Variants in UNC5B observed in about 807,000 individuals in gnomAD.
The protein encoded by UNC5B is unc-5 netrin receptor B, also known as netrin receptor UNC5B.
UNC5B carries 56 observed loss-of-function variants against 103.7 expected under a neutral mutation model. The ratio of observed to expected loss-of-function variants is 0.54; its 90% CI spans 0.44 to 0.67. The LOEUF (loss-of-function observed/expected upper bound fraction) is 0.67. Ranked by LOEUF, UNC5B falls within the 30% of genes least tolerant of loss-of-function variation. The pLI, the probability that UNC5B is intolerant of heterozygous loss-of-function variation, is 0.00. For synonymous variants in UNC5B, 577 were observed against 542.0 expected (o/e 1.06, Z -0.90); for missense variants, 1,194 against 1,284.5 (o/e 0.93, Z 1.08).
chr10:71,286,675 C>T lies in UNC5B; in HGVS notation c.553-14C>T, dbSNP rs1487345998. 13 of 1,613,732 alleles carry T rather than the reference C, an allele frequency of 8.1e-6. No homozygotes were observed. The highest frequency in any genetic ancestry group is 1.1e-5 in the Non-Finnish European group (13 of 1,179,794). On this transcript the variant is annotated splice_polypyrimidine_tract_variant and intron_variant, in intron 4 of 16. Transcript: ENST00000335350. ...TCCTGGGCCCTCACTGCCCCCTCAC[C>T]CCCACTCTTGCAGGTGGAATGGCTC...
At chr10:71,229,755 TCA>T (rs1402906174) in intron 1 of UNC5B, among the ~76,000 whole-genome samples, 3 of 152,184 alleles carry the variant, frequency 2.0e-5, no homozygotes, top group African/African-American at 7.2e-5. Flanking sequence ...CGTGTAGTTC[TCA>T]GAGCTTCTTA....
Position 71,302,457 on chromosome 10 carries a change from A to G in UNC5B, c.*3180A>G, listed in dbSNP as rs901291647. The G allele has an allele frequency of 1.3e-5, 2 of 151,394 alleles. No homozygotes were observed. Among genetic ancestry groups the G allele is most frequent in the African/African-American group, 2.5e-5 (1 of 40,798 alleles). 9.4% of individuals were successfully genotyped at this position (151,394 alleles called of 1,614,324 possible). A position where few individuals can be genotyped will look rare whatever the true frequency, so the allele number is the denominator to read the frequency against. ...CTCCCTGAGCCCACAGGGTCAGTCA[A>G]TGTATCTTCTACGTGCCTCTCCCTC... On this transcript the variant is annotated 3_prime_UTR_variant, in exon 17 of 17. Coordinates refer to ENST00000335350, the MANE Select transcript of UNC5B (RefSeq NM_170744.5).
At chr10:71,230,067 T>A (rs571833126) in intron 1 of UNC5B, among the ~76,000 whole-genome samples, 2 of 152,212 alleles carry the variant, frequency 1.3e-5, no homozygotes, top group Non-Finnish European at 2.9e-5. Context: ...TCATCTGACT[T>A]TTCACCCCTA....
chr10:71,288,833 G>C, intron 7 of UNC5B, 101 bp downstream of exon 7: 2 of 1,552,784 alleles, frequency 1.3e-6, no homozygotes, highest in Non-Finnish European at 1.8e-6. Context: ...CCTGCAGCAC[G>C]GCAGTCCTCA....
At chr10:71,290,724 G>A (rs74792395) in intron 8 of UNC5B, among the ~76,000 whole-genome samples, 191 bp from the exon 9 acceptor site, 2,783 of 152,320 alleles carry the variant, frequency 0.018, 80 homozygotes, top group African/African-American at 0.063. Flanking sequence ...CAGGGACTTC[G>A]AGCCCATTTT....
intron 1 of UNC5B, among the ~76,000 whole-genome samples, chr10:71,227,726 AC>A (rs1392282220): frequency 1.4e-5 from 2 of 144,438 alleles, no homozygotes; most frequent in East Asian, 4.4e-4. Context: ...ACACACACAC[AC>A]ACACACACAC....
Position 71,293,570 on chromosome 10 carries a change from G to A in UNC5B, c.1938G>A (p.Trp646Ter). 3 of 1,613,810 alleles carry A rather than the reference G, an allele frequency of 1.9e-6. No individual in the cohort carries two copies. The highest frequency in any genetic ancestry group is 2.5e-6 in the Non-Finnish European group (3 of 1,179,968). ...AGACCCAGGCCCACCAGGGCCACTG[G>A]GAGGTGAGGAGCCACGGTGAAGGCT... is the stretch of plus-strand genomic sequence containing the variant. ...QLKTQAHQGH[W>*]EEVVTLDEET... The change falls in exon 12 of 17, where the codon TGG (tryptophan) becomes TGA (stop). Residue 646 changes from tryptophan to a stop codon, truncating the protein, a stop_gained. Coordinates refer to ENST00000335350, the MANE Select transcript of UNC5B (RefSeq NM_170744.5). LOFTEE classifies it high-confidence loss of function.
chr10:71,232,462 G>A (rs1481147289), intron 1 of UNC5B, among the ~76,000 whole-genome samples: 2 of 152,226 alleles, frequency 1.3e-5, no homozygotes, highest in South Asian at 2.1e-4. Context: ...GCCCAGCCCC[G>A]GCCCCAGCCC....
intron 8 of UNC5B, 121 bp downstream of exon 8, chr10:71,289,111 G>A (rs192676481): frequency 2.1e-5 from 27 of 1,304,412 alleles, no homozygotes; most frequent in South Asian, 1.2e-4. Context: ...CACCCCCCAC[G>A]GGATCATCTA....
At chr10:71,264,553 G>GAAAAGTCTCCAGCTGAATC (rs1334373444) in intron 1 of UNC5B, among the ~76,000 whole-genome samples, 5 of 152,196 alleles carry the variant, frequency 3.3e-5, no homozygotes, top group Admixed American at 2.6e-4. Flanking sequence ...AGCTCCTTTT[G>GAAAAGTCTCCAGCTGAATC]AAAAGTCTCC....
At chr10:71,227,649 TATATATACATATATATACAC>T (rs1300087365) in intron 1 of UNC5B, among the ~76,000 whole-genome samples, 14 of 134,482 alleles carry the variant, frequency 1.0e-4, no homozygotes, top group African/African-American at 2.7e-4. Flanking sequence ...CACATATACA[TATATATACATATATATACAC>T]ATATATACAT....
intron 1 of UNC5B, among the ~76,000 whole-genome samples, chr10:71,268,020 C>A (rs572951424): frequency 6.6e-6 from 1 of 152,216 alleles, no homozygotes; most frequent in South Asian, 2.1e-4. Flanking sequence ...CTGGCCTCCC[C>A]GGGGCCCATG....
intron 2 of UNC5B, 75 bp downstream of exon 2, chr10:71,280,120 C>A: frequency 6.8e-7 from 1 of 1,476,668 alleles, no homozygotes; most frequent in South Asian, 1.2e-5. Flanking sequence ...CCATGTGAGA[C>A]TTCACACAGC....
Position 71,280,000 on chromosome 10 carries a change from A to G in UNC5B, c.259A>G (p.Ser87Gly). ...IYFKCNGEWV[S>G]QNDHVTQEGL... is the part of the protein sequence containing the mutation. ...CTTCAAGTGCAACGGCGAGTGGGTC[A>G]GCCAGAACGACCACGTCACACAGGA... Residue 87 changes from serine to glycine, a missense_variant, in exon 2 of 17, where the codon AGC (serine) becomes GGC (glycine). Transcript: ENST00000335350. 1 of 1,614,124 alleles carries G rather than the reference A, an allele frequency of 6.2e-7. No homozygotes were observed.
chr10:71,280,105 T>C (rs1844885508), intron 2 of UNC5B, 60 bp downstream of exon 2: 1 of 1,547,248 alleles, frequency 6.5e-7, no homozygotes, highest in Non-Finnish European at 8.8e-7. Context: ...GGCACAGGCC[T>C]AGCTCCATGT....
intron 1 of UNC5B, among the ~76,000 whole-genome samples, chr10:71,237,342 TG>T (rs146608961): frequency 0.027 from 4,043 of 152,244 alleles, 92 homozygotes; most frequent in South Asian, 0.049. Context: ...AACCACAAAG[TG>T]GAATTAATAG....
Position 71,213,560 on chromosome 10 carries a change from A to G in UNC5B, c.79+496A>G, listed in dbSNP as rs1004565886. Among the ~76,000 whole-genome samples the G allele has an allele frequency of 2.6e-5, 4 of 152,184 alleles. No homozygotes were observed. The highest frequency in any genetic ancestry group is 4.2e-4 in the South Asian group (2 of 4,808). On this transcript the variant is annotated intron_variant, in intron 1 of 16. Transcript: ENST00000335350. The surrounding 1 kb of genome is among the most constrained non-coding windows in gnomAD (Gnocchi z 4.1). ...GAGAGAGCGAAAAGACCTGCTGAAC[A>G]CAGGAAGCGCTTCGGTAGCCTCGGC...
At chr10:71,288,527 G>A (rs372161480) in intron 6 of UNC5B, 41 bp from the exon 7 acceptor site, 80 of 1,594,290 alleles carry the variant, frequency 5.0e-5, no homozygotes, top group Non-Finnish European at 5.8e-5. Context: ...GTGTGCACAT[G>A]TCTCTGCGTG....
intron 1 of UNC5B, among the ~76,000 whole-genome samples, chr10:71,251,669 T>A (rs139043828): frequency 6.6e-6 from 1 of 152,228 alleles, no homozygotes; most frequent in Non-Finnish European, 1.5e-5. Flanking sequence ...AGAGTATACA[T>A]GGTTCCTGCA....
Sources: allele counts gnomAD v4.1 joint callset (sites outside exome capture counted in the v4.1 genomes callset), GRCh38; gene constraint gnomAD v4.1.1; non-coding constraint Gnocchi (gnomAD v3.1); transcripts MANE v1.5; gene names NCBI Gene and HGNC (gene_info 2026-07-23, HGNC 2026-07-21).